CADPS2: variants seen among roughly 807,000 people sequenced by gnomAD.
CADPS2 encodes the protein calcium-dependent secretion activator 2.
Under a neutral mutation model 172.5 loss-of-function variants are expected in CADPS2, and 93 were observed. That is an observed-to-expected ratio of 0.54 (90% CI 0.46 to 0.64). CADPS2 has a LOEUF of 0.64. CADPS2 is among the 30% of genes least tolerant of loss of function. CADPS2 has a pLI of 0.00. For synonymous variants in CADPS2, 546 were observed against 555.2 expected, an observed-to-expected ratio of 0.98 and a Z score of 0.23; for missense variants, 1,420 against 1,565.9, an observed-to-expected ratio of 0.91 and a Z score of 1.57.
At chr7:122,383,695 C>T (rs1300732292) in intron 24 of CADPS2, among the ~76,000 whole-genome samples, 1 of 152,086 alleles carries the variant, frequency 6.6e-6, no homozygotes, top group Non-Finnish European at 1.5e-5. Flanking sequence ...GGCCTCTCTA[C>T]AATCAGGTGA....
chr7:122,588,842 C>T (rs141919264), intron 6 of CADPS2, among the ~76,000 whole-genome samples: 139 of 151,930 alleles, frequency 9.1e-4, no homozygotes, highest in African/African-American at 3.3e-3. Flanking sequence ...TGGGCACCTC[C>T]CCCAAACTCA....
chr7:122,827,741 C>A lies in CADPS2; in HGVS notation c.339+58258G>T, dbSNP rs536109405. 3.3e-5 allele frequency among the ~76,000 whole-genome samples: 5 copies of A among 151,662 alleles called. No individual in the cohort carries two copies. In the East Asian group the frequency reaches 9.7e-4, roughly 29 times the overall value. ...TTCCTAACTCATTTTATGAAGGTGG[C>A]ATTATCCTGATATCAACATCAGACA... On this transcript the variant is annotated intron_variant, in intron 1 of 29. Coordinates refer to ENST00000449022, the MANE Select transcript of CADPS2 (RefSeq NM_017954.11).
intron 1 of CADPS2, among the ~76,000 whole-genome samples, chr7:122,757,576 T>C (rs938817400): frequency 2.0e-5 from 3 of 152,098 alleles, no homozygotes; most frequent in African/African-American, 7.2e-5. Flanking sequence ...GTGATTTATG[T>C]CATAATTTTA....
intron 2 of CADPS2, among the ~76,000 whole-genome samples, chr7:122,675,751 T>A (rs1190695955): frequency 6.6e-6 from 1 of 151,914 alleles, no homozygotes; most frequent in South Asian, 2.1e-4. Context: ...TTCTCACTCA[T>A]AAGTGGGAGC....
chr7:122,812,321 C>G (rs1398213277), intron 1 of CADPS2, among the ~76,000 whole-genome samples: 4 of 149,746 alleles, frequency 2.7e-5, no homozygotes, highest in Admixed American at 1.3e-4. Flanking sequence ...GCTAAAAAGT[C>G]TATTAGATGA....
At chr7:122,718,304 G>A (rs922665178) in intron 2 of CADPS2, among the ~76,000 whole-genome samples, 8 of 152,034 alleles carry the variant, frequency 5.3e-5, no homozygotes, top group South Asian at 2.1e-4. Context: ...GAAATTTCTT[G>A]ACATGGAAAA....
At chr7:122,760,127 T>C in intron 1 of CADPS2, among the ~76,000 whole-genome samples, 1 of 152,024 alleles carries the variant, frequency 6.6e-6, no homozygotes, top group Non-Finnish European at 1.5e-5. Flanking sequence ...TACATAGATA[T>C]AGACACACTG....
intron 15 of CADPS2, among the ~76,000 whole-genome samples, chr7:122,445,375 G>A: frequency 6.6e-6 from 1 of 151,878 alleles, no homozygotes; most frequent in African/African-American, 2.4e-5. Context: ...ATTTTTCTCA[G>A]CAATACTTTA....
At chr7:122,565,242 A>C (rs1191657508) in intron 7 of CADPS2, among the ~76,000 whole-genome samples, 1 of 152,074 alleles carries the variant, frequency 6.6e-6, no homozygotes, top group Non-Finnish European at 1.5e-5. Context: ...AAAAAAAAAA[A>C]AACTTCCCAA....
intron 14 of CADPS2, among the ~76,000 whole-genome samples, chr7:122,454,622 G>A (rs1586206159): frequency 6.6e-6 from 1 of 152,134 alleles, no homozygotes; most frequent in South Asian, 2.1e-4. Context: ...CAGCAAGTCA[G>A]TTAAAGAAGA....
At chr7:122,870,821 C>T (rs1296987616) in intron 1 of CADPS2, among the ~76,000 whole-genome samples, 1 of 151,948 alleles carries the variant, frequency 6.6e-6, no homozygotes, top group Non-Finnish European at 1.5e-5. Context: ...TAGTTCCTAC[C>T]ACATGAAATC....
At chr7:122,749,992 T>C (rs1050222907) in intron 1 of CADPS2, among the ~76,000 whole-genome samples, 2 of 149,012 alleles carry the variant, frequency 1.3e-5, no homozygotes, top group African/African-American at 4.9e-5. Flanking sequence ...AGAGAGAGTA[T>C]GTAACTTCCC....
At chr7:122,692,627 C>A (rs1036694777) in intron 2 of CADPS2, among the ~76,000 whole-genome samples, 1 of 152,218 alleles carries the variant, frequency 6.6e-6, no homozygotes, top group Non-Finnish European at 1.5e-5. Context: ...CCCCTCAGAA[C>A]TGAAGACCCA....
At chr7:122,752,481 A>G (rs1466004221) in intron 1 of CADPS2, among the ~76,000 whole-genome samples, 1 of 152,216 alleles carries the variant, frequency 6.6e-6, no homozygotes, top group Non-Finnish European at 1.5e-5. Context: ...TTATTAAAGA[A>G]GTTAAAAATA....
chr7:122,325,967 A>G (rs1322149386), intron 28 of CADPS2, among the ~76,000 whole-genome samples: 1 of 152,080 alleles, frequency 6.6e-6, no homozygotes, highest in East Asian at 1.9e-4. Context: ...TTATTTTCAA[A>G]GGAAAATTTT....
Position 122,629,309 on chromosome 7 carries a change from T to A in CADPS2, c.806A>T (p.Gln269Leu). Residue 269 changes from glutamine (Q) to leucine (L), a missense_variant, in exon 4 of 30, where the codon CAA becomes CTA. Gln to Leu is a moderately radical substitution (Grantham distance 113). Transcript: ENST00000449022. ...AAGTTCCCTTCTGATCTGGGCTGCTTGTTCATCTGCGTTATCCAGCTTAAA... is the reference window on the plus strand; with the variant it reads ...AAGTTCCCTTCTGATCTGGGCTGCTAGTTCATCTGCGTTATCCAGCTTAAA... ...NACQLDNADE[Q>L]AAQIRRELDG... 6.2e-7 allele frequency: 1 copy of A among 1,609,476 alleles called. No individual in the cohort carries two copies. Among genetic ancestry groups the A allele is most frequent in the South Asian group, 1.1e-5 (1 of 90,128 alleles).
intron 29 of CADPS2, among the ~76,000 whole-genome samples, chr7:122,325,061 TA>T (rs1311140642): frequency 2.0e-5 from 3 of 152,086 alleles, no homozygotes; most frequent in Admixed American, 6.6e-5. Flanking sequence ...TACCAGCATA[TA>T]ATAAAATAAC....
chr7:122,348,430 C>G (rs1047001348), intron 27 of CADPS2, among the ~76,000 whole-genome samples: 4 of 152,138 alleles, frequency 2.6e-5, no homozygotes, highest in African/African-American at 9.7e-5. Context: ...ACTGAAATTT[C>G]TAAGTTGAGA....
At chr7:122,713,263 G>T (rs748645782) in intron 2 of CADPS2, among the ~76,000 whole-genome samples, 3 of 151,120 alleles carry the variant, frequency 2.0e-5, no homozygotes, top group Non-Finnish European at 4.4e-5. Context: ...GTTGAATTTT[G>T]CAAGTTTAAT....
Sources: allele counts gnomAD v4.1 joint callset (sites outside exome capture counted in the v4.1 genomes callset), GRCh38; gene constraint gnomAD v4.1.1; transcripts MANE v1.5; gene names NCBI Gene and HGNC (gene_info 2026-07-23, HGNC 2026-07-21).